The following OGFR variants were observed in gnomAD, a reference collection of about 807,000 sequenced individuals.
OGFR encodes the protein protein 7-60.
Under a neutral mutation model 33.6 loss-of-function variants are expected in OGFR, and 18 were observed. That is an observed-to-expected ratio of 0.54 (90% CI 0.37 to 0.80). OGFR has a LOEUF of 0.80. OGFR is among the 30% of genes least tolerant of loss of function. The pLI is 0.00. For missense variants in OGFR, 877 were observed against 955.8 expected (o/e 0.92, Z 1.09); for synonymous variants, 370 against 400.7 (o/e 0.92, Z 0.91).
intron 3 of OGFR, 152 bp downstream of exon 3, chr20:62,808,477 T>G: frequency 1.6e-6 from 1 of 631,646 alleles, no homozygotes; most frequent in Non-Finnish European, 2.8e-6. Flanking sequence ...CCAGAGGGAC[T>G]CCAGGATCCC....
chr20:62,805,065 C>T, intron 1 of OGFR, 35 bp downstream of exon 1: 1 of 1,283,114 alleles, frequency 7.8e-7, no homozygotes, highest in East Asian at 3.2e-5. Context: ...GCCTGGGGTC[C>T]CCGGCGCCCC....
intron 2 of OGFR, 106 bp from the exon 3 acceptor site, chr20:62,808,140 TG>T: frequency 1.1e-6 from 1 of 883,996 alleles, no homozygotes; most frequent in Non-Finnish European, 1.9e-6. Flanking sequence ...CTTGGGGTAT[TG>T]GGCCAGCCTG....
At chr20:62,812,119 G>A (rs1180082165) in intron 6 of OGFR, 111 bp from the exon 7 acceptor site, 2 of 904,638 alleles carry the variant, frequency 2.2e-6, no homozygotes, top group East Asian at 2.8e-5. Flanking sequence ...TGAATCGTGG[G>A]CCAGGGTGGG....
chr20:62,808,507 T>G (rs1990648247), intron 3 of OGFR, among the ~76,000 whole-genome samples, 182 bp downstream of exon 3: 1 of 152,062 alleles, frequency 6.6e-6, no homozygotes, highest in Admixed American at 6.6e-5. Context: ...ATCTCCGCAG[T>G]GGTGTTTGGG....
intron 3 of OGFR, 118 bp downstream of exon 3, chr20:62,808,443 C>A: frequency 1.4e-6 from 1 of 721,150 alleles, no homozygotes; most frequent in East Asian, 2.7e-5. Flanking sequence ...TTTCAAATAG[C>A]CCCACAGTGC....
intron 4 of OGFR, 70 bp from the exon 5 acceptor site, chr20:62,810,429 C>T: frequency 1.3e-6 from 2 of 1,493,502 alleles, no homozygotes; most frequent in South Asian, 1.1e-5. Context: ...CCGGGCTACA[C>T]AGCGAGCACC....
At chr20:62,810,436 C>T in intron 4 of OGFR, 63 bp from the exon 5 acceptor site, 2 of 1,530,800 alleles carry the variant, frequency 1.3e-6, no homozygotes, top group African/African-American at 1.4e-5. Context: ...ACACAGCGAG[C>T]ACCTGCCCAA....
At chr20:62,808,162 G>C in intron 2 of OGFR, 85 bp from the exon 3 acceptor site, 1 of 1,054,766 alleles carries the variant, frequency 9.5e-7, no homozygotes, top group Non-Finnish European at 1.5e-6. Context: ...GAGGTTTGCA[G>C]ATGCGCCTCC....
intron 4 of OGFR, among the ~76,000 whole-genome samples, chr20:62,810,178 G>A (rs1176692972): frequency 9.7e-6 from 1 of 103,404 alleles, no homozygotes; most frequent in African/African-American, 3.1e-5. Flanking sequence ...GACAACACAA[G>A]AGAGGGAAGA....
Position 62,812,436 on chromosome 20 carries a change from C to A in OGFR, c.821C>A (p.Ala274Asp). ...CAGCGCCGCCAGCTGGTGCACTTCG[C>A]CTGGGAGCACTTCCGGCCCCGCTGC... The part of the protein sequence containing the change: ...RHQRRQLVHF[A>D]WEHFRPRCKF... Residue 274 changes from alanine (A) to aspartate (D), a missense_variant, in exon 7 of 7, where the codon GCC becomes GAC. Physicochemically the swap from Ala to Asp is moderately radical, Grantham distance 126. Coordinates refer to ENST00000290291, the MANE Select transcript of OGFR (RefSeq NM_007346.4). The A allele has an allele frequency of 6.3e-7, 1 of 1,584,466 alleles. No individual in the cohort carries two copies. Among genetic ancestry groups the A allele is most frequent in the Non-Finnish European group, 8.6e-7 (1 of 1,165,736 alleles).
In OGFR at chr20:62,804,889, GGAGGAGGAC is replaced by G; in HGVS notation, c.39_47del (p.Glu14_Asp16del). 2.0e-6 allele frequency: 3 copies of G among 1,495,570 alleles called. No individual in the cohort carries two copies. The highest frequency in any genetic ancestry group is 1.8e-6 in the Non-Finnish European group (2 of 1,122,944). 92.6% of individuals were successfully genotyped at this position (1,495,570 alleles called of 1,614,324 possible). A position where few individuals can be genotyped will look rare whatever the true frequency, so the allele number is the denominator to read the frequency against. ...ACGACCCCGACTGCGACTCCACCTG[GGAGGAGGAC>G]GAGGAGGATGCGGAGGACGCGGAGG... is the stretch of plus-strand genomic sequence containing the variant. On this transcript the variant is annotated inframe_deletion, in exon 1 of 7. Coordinates refer to ENST00000290291, the MANE Select transcript of OGFR (RefSeq NM_007346.4).
At position 62,813,657 on chromosome 20, in the gene OGFR, A is replaced by G; in HGVS notation, c.*8A>G. Reference sequence around the variant, plus strand: ...AAGTCTGGGAAGCCTTAAGGAAAGGAGTGCCCGTCGGCGTCTTGGTCCTCC... The same window carrying G: ...AAGTCTGGGAAGCCTTAAGGAAAGGGGTGCCCGTCGGCGTCTTGGTCCTCC... On this transcript the variant is annotated 3_prime_UTR_variant, in exon 7 of 7. Transcript: ENST00000290291. The G allele has an allele frequency of 6.2e-7, 1 of 1,610,938 alleles. No individual in the cohort carries two copies. Among genetic ancestry groups the G allele is most frequent in the Non-Finnish European group, 8.5e-7 (1 of 1,178,590 alleles).
At chr20:62,808,723 C>T (rs1043615166) in intron 3 of OGFR, among the ~76,000 whole-genome samples, 8 of 152,074 alleles carry the variant, frequency 5.3e-5, no homozygotes, top group African/African-American at 1.7e-4. Context: ...CTTGTAATCC[C>T]AGCACTTTGG....
In OGFR at chr20:62,809,741, A is replaced by G. The variant is rs1990682647; in HGVS notation, c.398+78A>G. 5.2e-6 allele frequency: 6 copies of G among 1,164,006 alleles called. No individual in the cohort carries two copies. The Admixed American group carries it at 1.0e-4, about 20-fold the overall frequency. The allele number at this position is 1,164,006 out of a possible 1,614,324, so 72.1% of individuals were successfully genotyped here. On this transcript the variant is annotated intron_variant, in intron 4 of 6. Transcript: ENST00000290291. ...GCCCTCCCAGGCAGGAGCCCTCCCG[A>G]CGCTGCTTCCTGGCACGGACTGAGC... is the stretch of plus-strand genomic sequence containing the variant.
chr20:62,813,425 C>A lies in OGFR; in HGVS notation c.1810C>A (p.Pro604Thr). 1 of 1,525,730 alleles carries A rather than the reference C, an allele frequency of 6.6e-7. No individual in the cohort carries two copies. The highest frequency in any genetic ancestry group is 8.7e-7 in the Non-Finnish European group (1 of 1,150,200). 94.5% of individuals were successfully genotyped at this position (1,525,730 alleles called of 1,614,324 possible). The change falls in exon 7 of 7, where the codon CCC (proline) becomes ACC (threonine). Residue 604 changes from proline (P) to threonine (T), a missense_variant. Physicochemically the swap from Pro to Thr is conservative, Grantham distance 38 (BLOSUM62 -1). This residue lies in a region of OGFR where 72 missense variants were observed against 181.8 expected (regional missense o/e 0.40). Transcript: ENST00000290291. ...CGAGAGCCCATCGGAGACCCCAGGC[C>A]CCCGCCCGGCAGGACCTGCAGGGGA... is the stretch of plus-strand genomic sequence containing the variant. ...PAESPSETPG[P>T]RPAGPAGDEP...
In OGFR at chr20:62,813,060, C is replaced by T; in HGVS notation, c.1445C>T (p.Ala482Val). Reference protein sequence around the residue: ...ASGGAQTLALAGSPAPSGHPK... With the variant: ...ASGGAQTLALVGSPAPSGHPK... ...GGTGGTGCCCAGACCTTGGCCCTTGCCGGGTCCCCTGCCCCATCGGGGCAC... is the reference window on the plus strand; with the variant it reads ...GGTGGTGCCCAGACCTTGGCCCTTGTCGGGTCCCCTGCCCCATCGGGGCAC... Residue 482 changes from alanine to valine, a missense_variant, in exon 7 of 7, where the codon GCC (alanine) becomes GTC (valine). This residue lies in a region of OGFR where 760 missense variants were observed against 736.0 expected (regional missense o/e 1.03). Transcript: ENST00000290291. The T allele has an allele frequency of 6.3e-7, 1 of 1,583,358 alleles. No homozygotes were observed. Among genetic ancestry groups the T allele is most frequent in the Non-Finnish European group, 8.6e-7 (1 of 1,164,756 alleles).
Position 62,813,412 on chromosome 20 carries a change from G to C in OGFR, c.1797G>C (p.Ser599=). The C allele has an allele frequency of 6.5e-7, 1 of 1,541,524 alleles. No individual in the cohort carries two copies. The highest frequency in any genetic ancestry group is 8.6e-7 in the Non-Finnish European group (1 of 1,157,808). The change falls in exon 7 of 7, where the codon TCG becomes TCC. Residue 599 remains serine (S), a synonymous_variant. Coordinates refer to ENST00000290291, the MANE Select transcript of OGFR (RefSeq NM_007346.4). ...GGGATGAGCCAGCCGAGAGCCCATC[G>C]GAGACCCCAGGCCCCCGCCCGGCAG... ...PTRDEPAESP[S]ETPGPRPAGP...
At chr20:62,812,128 G>A in intron 6 of OGFR, 102 bp from the exon 7 acceptor site, 1 of 1,010,204 alleles carries the variant, frequency 9.9e-7, no homozygotes, top group Non-Finnish European at 1.4e-6. Flanking sequence ...GGCCAGGGTG[G>A]GGAGACCTCG....
At chr20:62,809,800 T>C in intron 4 of OGFR, 137 bp downstream of exon 4, 1 of 723,078 alleles carries the variant, frequency 1.4e-6, no homozygotes. Flanking sequence ...GGTGTCCACA[T>C]TACACGGATG....
Sources: allele counts gnomAD v4.1 joint callset (sites outside exome capture counted in the v4.1 genomes callset), GRCh38; gene constraint gnomAD v4.1.1; regional missense constraint gnomAD v4.1.1; transcripts MANE v1.5; gene names NCBI Gene and HGNC (gene_info 2026-07-23, HGNC 2026-07-21).